EPB41L2: variants seen among roughly 807,000 people sequenced by gnomAD.
EPB41L2 encodes the protein erythrocyte membrane protein band 4.1 like 2.
In EPB41L2, 43 loss-of-function variants were observed where a neutral mutation model predicts 113.0. The ratio of observed to expected loss-of-function variants is 0.38; its 90% CI spans 0.30 to 0.49. The LOEUF (loss-of-function observed/expected upper bound fraction) is 0.49, where lower values mean the gene tolerates loss of function less well. EPB41L2 is among the 20% of genes least tolerant of loss of function. The pLI is 0.95. For synonymous variants in EPB41L2, 442 were observed against 436.7 expected (o/e 1.01, Z -0.15); for missense variants, 1,147 against 1,223.4 (o/e 0.94, Z 0.93).
chr6:130,944,562 T>G (rs915248478), intron 3 of EPB41L2, among the ~76,000 whole-genome samples: 2 of 152,128 alleles, frequency 1.3e-5, no homozygotes, highest in Non-Finnish European at 2.9e-5. Context: ...ATTGCCAAAC[T>G]AATGGTGCAA....
intron 1 of EPB41L2, among the ~76,000 whole-genome samples, chr6:130,987,048 AT>A (rs759635577): frequency 2.0e-5 from 3 of 152,160 alleles, no homozygotes; most frequent in Non-Finnish European, 4.4e-5. Flanking sequence ...ATGTTGTAAC[AT>A]ATCAGTACTT....
chr6:130,861,447 G>A (rs185860458), intron 18 of EPB41L2, among the ~76,000 whole-genome samples: 3 of 152,284 alleles, frequency 2.0e-5, no homozygotes, highest in East Asian at 1.9e-4. Flanking sequence ...GATCAACATC[G>A]GATTTTGACA....
intron 19 of EPB41L2, among the ~76,000 whole-genome samples, chr6:130,844,809 G>A (rs931122940): frequency 3.3e-5 from 5 of 152,080 alleles, no homozygotes; most frequent in African/African-American, 9.7e-5. Flanking sequence ...TTGGGAGGTC[G>A]AGAAGGGCAG....
chr6:131,059,594 G>C (rs1055956927), intron 1 of EPB41L2, among the ~76,000 whole-genome samples: 27 of 152,354 alleles, frequency 1.8e-4, no homozygotes, highest in African/African-American at 6.5e-4. Flanking sequence ...AGGATGTTCT[G>C]TCTAGAATTG....
At chr6:130,983,721 A>T (rs1239468035) in intron 1 of EPB41L2, among the ~76,000 whole-genome samples, 1 of 151,558 alleles carries the variant, frequency 6.6e-6, no homozygotes, top group Non-Finnish European at 1.5e-5. Context: ...TAGAGATGGG[A>T]TTGCACCATG....
rs200705896 is a variant in EPB41L2, at chr6:130,900,234, AT to A, written c.1149-657del. On this transcript the variant is annotated intron_variant, in intron 7 of 19. Coordinates refer to ENST00000337057, the MANE Select transcript of EPB41L2 (RefSeq NM_001431.4). ...GAAAACATTTAGAGTCAAATACCAT[AT>A]TTTTTTTAAAGAAAAATCAATGAAT... is the stretch of plus-strand genomic sequence containing the variant. Among the ~76,000 whole-genome samples the A allele has an allele frequency of 5.8e-3, 882 of 152,052 alleles. 7 individuals carry two copies. Among genetic ancestry groups the A allele is most frequent in the African/African-American group, 0.02 (837 of 41,500 alleles).
chr6:131,045,253 G>T (rs1350562211), intron 1 of EPB41L2, among the ~76,000 whole-genome samples: 1 of 134,414 alleles, frequency 7.4e-6, no homozygotes, highest in African/African-American at 2.6e-5. Context: ...TTAAAATGAG[G>T]TATCTAAATA....
At chr6:130,993,255 T>C (rs1445776259) in intron 1 of EPB41L2, among the ~76,000 whole-genome samples, 4 of 152,174 alleles carry the variant, frequency 2.6e-5, no homozygotes, top group Non-Finnish European at 4.4e-5. Flanking sequence ...AAGATCATTA[T>C]TGGACCCAGA....
At chr6:131,050,761 C>A (rs541637701) in intron 1 of EPB41L2, among the ~76,000 whole-genome samples, 3 of 152,280 alleles carry the variant, frequency 2.0e-5, no homozygotes, top group African/African-American at 4.8e-5. Context: ...AAACAATATT[C>A]TTTTATTTAT....
intron 1 of EPB41L2, among the ~76,000 whole-genome samples, chr6:131,035,879 C>T (rs1186530841): frequency 6.6e-6 from 1 of 152,138 alleles, no homozygotes; most frequent in Non-Finnish European, 1.5e-5. Context: ...AGCACAAATG[C>T]TCCCATGATT....
chr6:130,925,567 CCCTCTACTTTACAAA>C (rs1333263760), intron 4 of EPB41L2, among the ~76,000 whole-genome samples: 1 of 152,144 alleles, frequency 6.6e-6, no homozygotes, highest in Non-Finnish European at 1.5e-5. Context: ...ACTGAATTGT[CCCTCTACTTTACAAA>C]GATTATATTA....
intron 10 of EPB41L2, among the ~76,000 whole-genome samples, chr6:130,892,260 T>C (rs776264156): frequency 3.2e-4 from 48 of 152,082 alleles, no homozygotes; most frequent in Non-Finnish European, 4.6e-4. Context: ...GCTGCTGTGC[T>C]CCTCCACAGG....
At chr6:131,013,061 G>C (rs1326379850) in intron 1 of EPB41L2, among the ~76,000 whole-genome samples, 1 of 152,202 alleles carries the variant, frequency 6.6e-6, no homozygotes, top group Non-Finnish European at 1.5e-5. Flanking sequence ...ATCCAGAGAA[G>C]TAAAAGGTGT....
intron 1 of EPB41L2, among the ~76,000 whole-genome samples, chr6:130,980,901 GTTC>G (rs1302365062): frequency 6.6e-6 from 1 of 152,096 alleles, no homozygotes; most frequent in Non-Finnish European, 1.5e-5. Flanking sequence ...AACTTCCTCT[GTTC>G]AGCTTATCGG....
intron 19 of EPB41L2, 39 bp from the exon 20 acceptor site, chr6:130,840,637 T>C (rs1775177120): frequency 6.8e-6 from 1 of 146,942 alleles, no homozygotes; most frequent in South Asian, 2.2e-4. Flanking sequence ...AAGGCTTAAA[T>C]ATTCCAAAAA....
At chr6:130,958,788 C>G (rs916900779) in intron 1 of EPB41L2, among the ~76,000 whole-genome samples, 1 of 152,052 alleles carries the variant, frequency 6.6e-6, no homozygotes, top group Non-Finnish European at 1.5e-5. Context: ...AAGGCAGAAG[C>G]CAAAACATAA....
At chr6:131,006,830 T>C (rs1178638699) in intron 1 of EPB41L2, among the ~76,000 whole-genome samples, 1 of 152,082 alleles carries the variant, frequency 6.6e-6, no homozygotes, top group African/African-American at 2.4e-5. Flanking sequence ...TCTGAATATC[T>C]ATCTTTCCAG....
intron 1 of EPB41L2, among the ~76,000 whole-genome samples, chr6:131,053,079 A>G (rs1796881536): frequency 6.6e-6 from 1 of 152,058 alleles, no homozygotes; most frequent in Non-Finnish European, 1.5e-5. Flanking sequence ...TATTTTTAGT[A>G]GAGATGGGGT....
chr6:130,951,777 G>A (rs963874323), intron 3 of EPB41L2, among the ~76,000 whole-genome samples: 1 of 151,762 alleles, frequency 6.6e-6, no homozygotes, highest in Non-Finnish European at 1.5e-5. Flanking sequence ...AGACTTAATT[G>A]GCCAATGAAA....
Sources: gnomAD v4.1 joint callset for allele counts (sites outside exome capture counted in the v4.1 genomes callset) on GRCh38, gnomAD v4.1.1 for gene constraint, MANE v1.5 for transcripts, NCBI Gene and HGNC (gene_info 2026-07-23, HGNC 2026-07-21) for gene names.